HTR3C: variants seen among roughly 807,000 people sequenced by gnomAD.
HTR3C encodes the protein 5-hydroxytryptamine receptor 3C.
A neutral mutation model predicts 40.5 loss-of-function variants in HTR3C; 32 were observed. The observed-to-expected ratio is 0.79, with a 90% confidence interval of 0.60 to 1.06. The LOEUF is 1.06. Among genes scored for constraint, HTR3C ranks in the 50% least tolerant of loss-of-function variants. The pLI is 0.00. For synonymous variants in HTR3C, 209 were observed against 217.1 expected (o/e 0.96, Z 0.33); for missense variants, 523 against 556.8 (o/e 0.94, Z 0.61).
chr3:184,060,219 C>T lies in HTR3C; in HGVS notation c.1211C>T (p.Ser404Leu). 2 of 1,614,088 alleles carry T rather than the reference C, an allele frequency of 1.2e-6. No homozygotes were observed. Among genetic ancestry groups the T allele is most frequent in the Non-Finnish European group, 8.5e-7 (1 of 1,179,986 alleles). Reference protein sequence around the residue: ...GPRETEPDGGSGWTKTQLMEL... With the variant: ...GPRETEPDGGLGWTKTQLMEL... ...AGAGAGACCGAGCCAGATGGGGGCT[C>T]AGGATGGACAAAGACCCAGCTAATG... Residue 404 changes from serine to leucine, a missense_variant, in exon 9 of 9, where the codon TCA becomes TTA. By Grantham distance (145) the Ser-to-Leu change is moderately radical (BLOSUM62 -2). Transcript: ENST00000318351.
chr3:184,058,207 C>T (rs1471934613), intron 5 of HTR3C, among the ~76,000 whole-genome samples: 1 of 152,190 alleles, frequency 6.6e-6, no homozygotes, highest in Non-Finnish European at 1.5e-5. Context: ...CCATAACGAA[C>T]TTGACTCACT....
At position 184,053,065 on chromosome 3, in the gene HTR3C, G is replaced by C; in HGVS notation, c.-16G>C. The stretch of plus-strand genomic sequence containing the variant: ...GAGCTCCTGGTGAATCCCCAGAGAA[G>C]AGTCCAGAAAGAAGAATGGAAGGAG... On this transcript the variant is annotated 5_prime_UTR_variant, in exon 1 of 9. Coordinates refer to ENST00000318351, the MANE Select transcript of HTR3C (RefSeq NM_130770.3). 1 of 1,607,306 alleles carries C rather than the reference G, an allele frequency of 6.2e-7. No individual in the cohort carries two copies. The highest frequency in any genetic ancestry group is 1.3e-5 in the African/African-American group (1 of 74,868).
In HTR3C at chr3:184,053,140, G is replaced by C; in HGVS notation, c.60G>C (p.Leu20=). The change falls in exon 1 of 9, where the codon CTG becomes CTC. Residue 20 remains leucine, a synonymous_variant. Coordinates refer to ENST00000318351, the MANE Select transcript of HTR3C (RefSeq NM_130770.3). The stretch of plus-strand genomic sequence containing the variant: ...TCCTCTGCCTCACTGTCAGTCTTCT[G>C]CTTCAAGGTAAGATGGGACGAGAAC... The part of the protein sequence containing the change: ...SALLCLTVSL[L]LQGRGDAFTI... 1 of 1,613,516 alleles carries C rather than the reference G, an allele frequency of 6.2e-7. No individual in the cohort carries two copies. The highest frequency in any genetic ancestry group is 2.2e-5 in the East Asian group (1 of 44,886).
chr3:184,054,045 G>A (rs976339448), intron 1 of HTR3C, among the ~76,000 whole-genome samples: 17 of 150,926 alleles, frequency 1.1e-4, no homozygotes, highest in African/African-American at 3.7e-4. Flanking sequence ...GAGTCACCGC[G>A]CCCGGCACAC....
chr3:184,060,457 C>T lies in HTR3C; in HGVS notation c.*105C>T. 1 of 1,389,572 alleles carries T rather than the reference C, an allele frequency of 7.2e-7. No individual in the cohort carries two copies. The highest frequency in any genetic ancestry group is 1.0e-6 in the Non-Finnish European group (1 of 987,516). The allele number at this position is 1,389,572 out of a possible 1,614,324, so 86.1% of individuals were successfully genotyped here. On this transcript the variant is annotated 3_prime_UTR_variant, in exon 9 of 9. Coordinates refer to ENST00000318351, the MANE Select transcript of HTR3C (RefSeq NM_130770.3). ...TTAGCCACTTATCCCCAGTGACTAC[C>T]ATGTCCCCTTCTAAATTCCAAAGAC...
chr3:184,059,335 C>T, intron 6 of HTR3C, 101 bp from the exon 7 acceptor site: 2 of 1,033,044 alleles, frequency 1.9e-6, no homozygotes, highest in East Asian at 5.0e-5. Flanking sequence ...AAAGATCGTC[C>T]CCAGCAGCCT....
In HTR3C at chr3:184,056,906, A is replaced by T. The variant is rs752716084; in HGVS notation, c.421A>T (p.Thr141Ser). 3.1e-6 allele frequency: 5 copies of T among 1,611,964 alleles called. No individual in the cohort carries two copies. The highest frequency in any genetic ancestry group is 4.2e-6 in the Non-Finnish European group (5 of 1,178,580). ...TGTGGATCAGACGCCTTCCGGTCTC[A>T]CTGCCTATATCAGCAGTGAAGGTCG... is the stretch of plus-strand genomic sequence containing the variant. ...MDVDQTPSGLTAYISSEGRIK... is the reference protein window; with the variant it reads ...MDVDQTPSGLSAYISSEGRIK... Residue 141 changes from threonine (T) to serine (S), a missense_variant, in exon 5 of 9, where the codon ACT becomes TCT. Coordinates refer to ENST00000318351, the MANE Select transcript of HTR3C (RefSeq NM_130770.3).
At chr3:184,053,352 A>G (rs1050710871) in intron 1 of HTR3C, among the ~76,000 whole-genome samples, 9 of 152,120 alleles carry the variant, frequency 5.9e-5, no homozygotes, top group African/African-American at 1.9e-4. Context: ...CTGCACAGGG[A>G]TCTATCAAAC....
At chr3:184,054,995 T>C in intron 2 of HTR3C, 108 bp downstream of exon 2, 1 of 1,108,752 alleles carries the variant, frequency 9.0e-7, no homozygotes, top group African/African-American at 2.0e-5. Context: ...ATAGGCACCC[T>C]GGATGGATTT....
chr3:184,057,135 TG>T (rs1287262595), intron 5 of HTR3C, 91 bp downstream of exon 5: 1 of 948,824 alleles, frequency 1.1e-6, no homozygotes, highest in African/African-American at 1.6e-5. Flanking sequence ...GGATCAGTGT[TG>T]CTCCACTCCG....
At chr3:184,056,096 A>T in intron 3 of HTR3C, 81 bp from the exon 4 acceptor site, 2 of 868,216 alleles carry the variant, frequency 2.3e-6, no homozygotes, top group Non-Finnish European at 1.9e-6. Context: ...ATCAAGGTTT[A>T]AAGAAGAATG....
intron 2 of HTR3C, 27 bp downstream of exon 2, chr3:184,054,914 C>T: frequency 6.3e-7 from 1 of 1,575,886 alleles, no homozygotes; most frequent in Non-Finnish European, 8.6e-7. Flanking sequence ...GCATCTTTTC[C>T]ATGGCTTCTA....
chr3:184,060,409 C>T lies in HTR3C; in HGVS notation c.*57C>T, dbSNP rs1439324191. 1 of 1,605,168 alleles carries T rather than the reference C, an allele frequency of 6.2e-7. No homozygotes were observed. Among genetic ancestry groups the T allele is most frequent in the African/African-American group, 1.3e-5 (1 of 74,704 alleles). ...CTTGGAGTTTCTGCTGGTCTTGGGCCAGCCGGACTCATTTTCCTAATCTTA... is the reference window on the plus strand; with the variant it reads ...CTTGGAGTTTCTGCTGGTCTTGGGCTAGCCGGACTCATTTTCCTAATCTTA... On this transcript the variant is annotated 3_prime_UTR_variant, in exon 9 of 9. Transcript: ENST00000318351.
In HTR3C at chr3:184,056,811, C is replaced by T; in HGVS notation, c.390-64C>T. The T allele has an allele frequency of 2.1e-6, 3 of 1,435,250 alleles. No homozygotes were observed. In the South Asian group the frequency reaches 4.2e-5, roughly 20 times the overall value. 88.9% of individuals were successfully genotyped at this position (1,435,250 alleles called of 1,614,324 possible). A position where few individuals can be genotyped will look rare whatever the true frequency, so the allele number is the denominator to read the frequency against. ...CAGAAGGAGAGCACAGCAGGGGAGA[C>T]CCCAGAAGGAAGGGAGACAAGAGCT... is the stretch of plus-strand genomic sequence containing the variant. On this transcript the variant is annotated intron_variant, in intron 4 of 8. Transcript: ENST00000318351.
Position 184,054,749 on chromosome 3 carries a change from C to A in HTR3C, c.96C>A (p.Cys32Ter). 1 of 1,605,542 alleles carries A rather than the reference C, an allele frequency of 6.2e-7. No individual in the cohort carries two copies. The change falls in exon 2 of 9, where the codon TGC becomes TGA. Residue 32 changes from cysteine to a stop codon, truncating the protein, a stop_gained. Coordinates refer to ENST00000318351, the MANE Select transcript of HTR3C (RefSeq NM_130770.3). LOFTEE classifies it high-confidence loss of function. Reference sequence around the variant, plus strand: ...GAGGCGACGCTTTTACCATCAATTGCTCAGGCTTTGACCAGCATGGGGTTG... The same window carrying A: ...GAGGCGACGCTTTTACCATCAATTGATCAGGCTTTGACCAGCATGGGGTTG... Reference protein sequence around the residue: ...QGRGDAFTINCSGFDQHGVDP... With the variant: ...QGRGDAFTIN
At chr3:184,059,795 G>A (rs781627389) in intron 7 of HTR3C, 33 bp from the exon 8 acceptor site, 1 of 1,609,850 alleles carries the variant, frequency 6.2e-7, no homozygotes, top group Non-Finnish European at 8.5e-7. Flanking sequence ...AGATAAATTT[G>A]CCTGGTTTAT....
chr3:184,055,278 C>T (rs375363899), intron 2 of HTR3C, 34 bp from the exon 3 acceptor site: 72 of 1,513,894 alleles, frequency 4.8e-5, no homozygotes, highest in Non-Finnish European at 6.3e-5. Flanking sequence ...AACCTTTTAA[C>T]ACTAATAATC....
At chr3:184,054,032 C>A (rs567519204) in intron 1 of HTR3C, among the ~76,000 whole-genome samples, 3 of 151,394 alleles carry the variant, frequency 2.0e-5, no homozygotes, top group Non-Finnish European at 2.9e-5. Context: ...GGATTACAGG[C>A]GTGAGTCACC....
At position 184,053,623 on chromosome 3, in the gene HTR3C, G is replaced by A. The variant is rs1275238193; in HGVS notation, c.67+476G>A. On this transcript the variant is annotated intron_variant, in intron 1 of 8. Transcript: ENST00000318351. ...TTATGGAAAGAGATGGAGATAGAGAGAAGGAGGCAGAGAAAAGGACCATAT... is the reference window on the plus strand; with the variant it reads ...TTATGGAAAGAGATGGAGATAGAGAAAAGGAGGCAGAGAAAAGGACCATAT... Among the ~76,000 whole-genome samples, 7 of 152,186 alleles carry A rather than the reference G, an allele frequency of 4.6e-5. No individual in the cohort carries two copies. In the South Asian group the frequency reaches 6.2e-4, roughly 13 times the overall value.
Sources: gnomAD v4.1 joint callset for allele counts (sites outside exome capture counted in the v4.1 genomes callset) on GRCh38, gnomAD v4.1.1 for gene constraint, MANE v1.5 for transcripts, NCBI Gene and HGNC (gene_info 2026-07-23, HGNC 2026-07-21) for gene names.